BMPR1B: variants seen among roughly 807,000 people sequenced by gnomAD.
The protein encoded by BMPR1B is bone morphogenetic protein receptor type-1B.
In BMPR1B, 12 loss-of-function variants were observed where a neutral mutation model predicts 59.1. The observed-to-expected ratio is 0.20, with a 90% confidence interval of 0.13 to 0.33. The LOEUF (loss-of-function observed/expected upper bound fraction) is 0.33. BMPR1B is among the 10% of genes least tolerant of loss of function. The pLI is 1.00. For synonymous variants in BMPR1B, 237 were observed against 207.3 expected (o/e 1.14, Z -1.23); for missense variants, 550 against 610.9 (o/e 0.90, Z 1.05).
intron 3 of BMPR1B, among the ~76,000 whole-genome samples, chr4:95,052,495 A>G (rs1726576576): frequency 6.6e-6 from 1 of 152,210 alleles, no homozygotes; most frequent in South Asian, 2.1e-4. Flanking sequence ...GGAAATAAGG[A>G]AATAATGGCT....
chr4:94,957,598 C>T (rs893828916), intron 2 of BMPR1B, among the ~76,000 whole-genome samples: 1 of 151,942 alleles, frequency 6.6e-6, no homozygotes, highest in African/African-American at 2.4e-5. Context: ...GACTGGCCCA[C>T]CTTTCTACTG....
intron 3 of BMPR1B, among the ~76,000 whole-genome samples, chr4:95,058,105 C>T (rs1403237732): frequency 4.6e-5 from 7 of 152,082 alleles, no homozygotes; most frequent in South Asian, 2.1e-4. Flanking sequence ...ATGTAAGTTT[C>T]GCTCCTTTAT....
intron 2 of BMPR1B, among the ~76,000 whole-genome samples, chr4:94,958,967 C>T (rs942515268): frequency 1.3e-5 from 2 of 152,106 alleles, no homozygotes; most frequent in East Asian, 3.9e-4. Context: ...TTGGAATGAG[C>T]ATGGTATAGT....
intron 1 of BMPR1B, among the ~76,000 whole-genome samples, chr4:94,857,589 C>G (rs1397142701): frequency 6.6e-6 from 1 of 152,146 alleles, no homozygotes; most frequent in Non-Finnish European, 1.5e-5. Context: ...AAGCTAGAAG[C>G]TAACAGATGA....
At chr4:95,026,148 T>TTCTG (rs1165816530) in intron 3 of BMPR1B, among the ~76,000 whole-genome samples, 4 of 150,574 alleles carry the variant, frequency 2.7e-5, no homozygotes, top group Non-Finnish European at 4.4e-5. Context: ...CTTTCTTTCT[T>TTCTG]TCTTTCTTTC....
intron 2 of BMPR1B, among the ~76,000 whole-genome samples, chr4:94,956,926 A>T (rs1196345291): frequency 6.6e-6 from 1 of 152,214 alleles, no homozygotes; most frequent in Non-Finnish European, 1.5e-5. Flanking sequence ...TTTCAAGTAG[A>T]AATATAAATT....
chr4:94,877,377 C>G (rs1362339606), intron 2 of BMPR1B, among the ~76,000 whole-genome samples: 12 of 152,102 alleles, frequency 7.9e-5, no homozygotes, highest in African/African-American at 2.9e-4. Flanking sequence ...GAAATTAACC[C>G]CAGAGGAAAG....
At position 94,802,975 on chromosome 4, in the gene BMPR1B, C is replaced by T. The variant is rs531770466; in HGVS notation, c.-183+44907C>T. On this transcript the variant is annotated intron_variant, in intron 1 of 12. Transcript: ENST00000515059. Reference sequence around the variant, plus strand: ...GAGTGCAGAGTATTGACCTTGTGCTCACTGTTCCTCACCCTTCTCTCTGGG... The same window carrying T: ...GAGTGCAGAGTATTGACCTTGTGCTTACTGTTCCTCACCCTTCTCTCTGGG... Among the ~76,000 whole-genome samples, 11 of 152,222 alleles carry T rather than the reference C, an allele frequency of 7.2e-5. No individual in the cohort carries two copies. The East Asian group carries it at 1.5e-3, about 21-fold the overall frequency.
intron 2 of BMPR1B, among the ~76,000 whole-genome samples, chr4:94,963,175 A>T (rs1730435838): frequency 2.0e-5 from 3 of 152,002 alleles, no homozygotes; most frequent in Admixed American, 2.0e-4. Context: ...GATTATTATC[A>T]TTATCATTAT....
At chr4:95,031,737 G>A (rs1174112955) in intron 3 of BMPR1B, among the ~76,000 whole-genome samples, 1 of 152,056 alleles carries the variant, frequency 6.6e-6, no homozygotes, top group Non-Finnish European at 1.5e-5. Context: ...GGAAATCCAG[G>A]TTGAACAAAG....
intron 1 of BMPR1B, among the ~76,000 whole-genome samples, chr4:94,857,851 T>C (rs1725821525): frequency 6.6e-6 from 1 of 152,276 alleles, no homozygotes; most frequent in African/African-American, 2.4e-5. Flanking sequence ...AATATCAGTT[T>C]AGAAAACAAT....
chr4:94,801,331 A>G (rs1270318565), intron 1 of BMPR1B, among the ~76,000 whole-genome samples: 5 of 152,226 alleles, frequency 3.3e-5, no homozygotes, highest in Admixed American at 6.5e-5. Context: ...CTCAGCTAAA[A>G]ATAAACAAAA....
chr4:95,091,834 C>G (rs527832231), intron 3 of BMPR1B, among the ~76,000 whole-genome samples: 1 of 151,868 alleles, frequency 6.6e-6, no homozygotes, highest in Non-Finnish European at 1.5e-5. Context: ...ACCATGTAGC[C>G]GAACTCTTCT....
intron 2 of BMPR1B, among the ~76,000 whole-genome samples, chr4:94,961,910 C>T (rs1210391797): frequency 1.3e-5 from 2 of 152,014 alleles, no homozygotes; most frequent in Non-Finnish European, 2.9e-5. Context: ...ATATCCATCA[C>T]CTTAAACATT....
intron 3 of BMPR1B, among the ~76,000 whole-genome samples, chr4:94,998,349 CTAG>C (rs1722202089): frequency 6.7e-6 from 1 of 148,894 alleles, no homozygotes; most frequent in Non-Finnish European, 1.5e-5. Context: ...ATTTGTTCTA[CTAG>C]TAGTCCAGCT....
intron 3 of BMPR1B, among the ~76,000 whole-genome samples, chr4:95,032,140 G>T (rs182183823): frequency 6.6e-5 from 10 of 152,130 alleles, no homozygotes. Context: ...CAGTTCTGGG[G>T]ACTGGGAAAT....
chr4:94,908,056 G>A, intron 2 of BMPR1B, among the ~76,000 whole-genome samples: 1 of 60,382 alleles, frequency 1.7e-5, no homozygotes, highest in Non-Finnish European at 2.9e-5. Context: ...GTGAGACCCT[G>A]TCTTTAAAAA....
At chr4:95,008,221 A>G (rs944271727) in intron 3 of BMPR1B, among the ~76,000 whole-genome samples, 4 of 152,226 alleles carry the variant, frequency 2.6e-5, no homozygotes, top group African/African-American at 4.8e-5. Flanking sequence ...AAGTGATGAC[A>G]GCGTGACTAT....
rs1378418434 is a variant in BMPR1B, at chr4:95,094,280, A to G, written c.-17-10128A>G. 9.9e-5 allele frequency among the ~76,000 whole-genome samples: 15 copies of G among 152,194 alleles called. No homozygotes were observed. In the South Asian group the frequency reaches 2.3e-3, roughly 23 times the overall value. On this transcript the variant is annotated intron_variant, in intron 3 of 12. Transcript: ENST00000515059. ...AGTCATCCTTGAACAAACTTTCAGT[A>G]TGTTTCTTAAGCTGAAAACCTTATA...
Sources: gnomAD v4.1 joint callset for allele counts (sites outside exome capture counted in the v4.1 genomes callset) on GRCh38, gnomAD v4.1.1 for gene constraint, MANE v1.5 for transcripts, NCBI Gene and HGNC (gene_info 2026-07-23, HGNC 2026-07-21) for gene names.